GLI2: variants seen among roughly 807,000 people sequenced by gnomAD.
GLI2 encodes the protein transcription activator GLI2.
Under a neutral mutation model 78.9 loss-of-function variants are expected in GLI2, and 22 were observed. The observed-to-expected ratio is 0.28, with a 90% confidence interval of 0.20 to 0.40. The LOEUF (loss-of-function observed/expected upper bound fraction) is 0.40, where lower values mean the gene tolerates loss of function less well. GLI2 is among the 10% of genes least tolerant of loss of function. GLI2 has a pLI of 1.00. For synonymous variants in GLI2, 974 were observed against 963.7 expected (o/e 1.01, Z -0.20); for missense variants, 2,097 against 2,213.2 (o/e 0.95, Z 1.05).
Position 120,737,323 on chromosome 2 carries a change from A to C in GLI2, c.-31+1038A>C. 6.7e-6 allele frequency among the ~76,000 whole-genome samples: 1 copy of C among 150,358 alleles called. No individual in the cohort carries two copies. The highest frequency in any genetic ancestry group is 2.5e-5 in the African/African-American group (1 of 40,642). ...GGTAACTGCTGTCATTTCCTAGGAA[A>C]CCCGACTTTTACCGCGCGGGGAGCT... On this transcript the variant is annotated intron_variant, in intron 1 of 13. Coordinates refer to ENST00000361492, the MANE Select transcript of GLI2 (RefSeq NM_001374353.1). This position sits in a 1 kb window ranked among gnomAD's most constrained non-coding sequence, Gnocchi z 4.3.
intron 2 of GLI2, among the ~76,000 whole-genome samples, chr2:120,858,128 G>C (rs1475761512): frequency 6.6e-6 from 1 of 152,236 alleles, no homozygotes; most frequent in Admixed American, 6.5e-5. Flanking sequence ...GGGCGGGGGA[G>C]AATGACAGCT....
intron 5 of GLI2, among the ~76,000 whole-genome samples, chr2:120,967,455 G>T (rs1681913160): frequency 6.6e-6 from 1 of 152,210 alleles, no homozygotes; most frequent in Non-Finnish European, 1.5e-5. Flanking sequence ...GCCACCGTTT[G>T]TTCAGGGCAG....
intron 2 of GLI2, among the ~76,000 whole-genome samples, chr2:120,820,743 CT>C (rs1004442091): frequency 2.0e-4 from 30 of 152,172 alleles, no homozygotes; most frequent in Admixed American, 2.0e-3. Context: ...GAGAGGGTAG[CT>C]TTTTTTCTAG....
chr2:120,811,302 C>T (rs1685227729), intron 2 of GLI2, among the ~76,000 whole-genome samples: 2 of 152,238 alleles, frequency 1.3e-5, no homozygotes, highest in South Asian at 2.1e-4. Flanking sequence ...AGCAAGGAGT[C>T]CTCTGGTCAT....
chr2:120,903,930 G>A (rs1425705500), intron 2 of GLI2, among the ~76,000 whole-genome samples: 1 of 152,168 alleles, frequency 6.6e-6, no homozygotes, highest in Non-Finnish European at 1.5e-5. Context: ...AAACTCAGGG[G>A]TTCATTGCTG....
chr2:120,841,848 G>GGGGTGTGTGTGTGTGTGTGT (rs1553455507), intron 2 of GLI2, among the ~76,000 whole-genome samples: 15 of 132,690 alleles, frequency 1.1e-4, no homozygotes, highest in African/African-American at 2.0e-4. Context: ...CAGTCTGGAG[G>GGGGTGTGTGTGTGTGTGTGT]GTGTGTGTGT....
chr2:120,861,925 C>A (rs1052123641), intron 2 of GLI2, among the ~76,000 whole-genome samples: 20 of 152,178 alleles, frequency 1.3e-4, no homozygotes, highest in Non-Finnish European at 2.2e-4. Context: ...ATGAGATGAT[C>A]GCTTGTCATT....
In GLI2 at chr2:120,984,429, C is replaced by T. The variant is rs528633897; in HGVS notation, c.1633-42C>T. Reference sequence around the variant, plus strand: ...GGAGAGCGCCCCTTCAGAGTTGATCCTCGTACCCCTATCCATGACACAGGC... The same window carrying T: ...GGAGAGCGCCCCTTCAGAGTTGATCTTCGTACCCCTATCCATGACACAGGC... On this transcript the variant is annotated intron_variant, in intron 11 of 13. Coordinates refer to ENST00000361492, the MANE Select transcript of GLI2 (RefSeq NM_001374353.1). 2.1e-5 allele frequency: 34 copies of T among 1,608,510 alleles called. No individual in the cohort carries two copies. The South Asian group carries it at 3.4e-4, about 16-fold the overall frequency.
rs747859555 is a variant in GLI2, at chr2:120,984,617, C to G, written c.1779C>G (p.Leu593=). The change falls in exon 12 of 14, where the codon CTC becomes CTG. Residue 593 remains leucine, a synonymous_variant. Transcript: ENST00000361492. ...ACGTGCACCTCCGCACACCGCTGCT[C>G]AAAGAGAATGGGGACAGTGAGGCCG... ...RNDVHLRTPL[L]KENGDSEAGT... is the part of the protein sequence containing the mutation. 1.9e-6 allele frequency: 3 copies of G among 1,614,210 alleles called. No individual in the cohort carries two copies. In the South Asian group the frequency reaches 3.3e-5, roughly 18 times the overall value.
rs759692739 is a variant in GLI2, at chr2:120,988,435, C to A, written c.2470C>A (p.Leu824Met). The part of the protein sequence containing the change: ...SSRRSSEASP[L>M]GAGRPHNASS... ...CCGCCGCTCCAGCGAGGCCTCGCCC[C>A]TGGGCGCCGGCCGCCCGCACAACGC... The change falls in exon 14 of 14, where the codon CTG becomes ATG. Residue 824 changes from leucine (L) to methionine (M), a missense_variant. Around this residue, in one of 5 missense-constraint regions of GLI2, gnomAD observed 1,290 missense variants for 1,261.7 expected, o/e 1.02. Coordinates refer to ENST00000361492, the MANE Select transcript of GLI2 (RefSeq NM_001374353.1). 5 of 1,574,618 alleles carry A rather than the reference C, an allele frequency of 3.2e-6. No homozygotes were observed. In the Admixed American group the frequency reaches 8.6e-5, roughly 27 times the overall value.
At chr2:120,986,242 C>T (rs377599086) in intron 12 of GLI2, 36 bp from the exon 13 acceptor site, 5 of 1,582,382 alleles carry the variant, frequency 3.2e-6, no homozygotes, top group Admixed American at 1.7e-5. Context: ...ATCTGATACC[C>T]TCTGAGTCTG....
At chr2:120,863,064 C>T (rs1056391769) in intron 2 of GLI2, among the ~76,000 whole-genome samples, 17 of 152,294 alleles carry the variant, frequency 1.1e-4, no homozygotes, top group African/African-American at 3.8e-4. Context: ...GTGACCAGAG[C>T]GCCTGGAAGG....
intron 2 of GLI2, among the ~76,000 whole-genome samples, chr2:120,809,374 G>A (rs1357721426): frequency 1.3e-5 from 2 of 152,168 alleles, no homozygotes; most frequent in African/African-American, 4.8e-5. Context: ...GAGGGAATGG[G>A]GAATGATTGC....
chr2:120,933,019 G>A (rs142863424), intron 3 of GLI2, among the ~76,000 whole-genome samples: 63 of 152,320 alleles, frequency 4.1e-4, no homozygotes, highest in African/African-American at 1.4e-3. Flanking sequence ...AGCTACAGCA[G>A]TAGTTAGGGA....
chr2:120,926,377 C>A (rs1679676221), intron 2 of GLI2, among the ~76,000 whole-genome samples: 1 of 152,146 alleles, frequency 6.6e-6, no homozygotes, highest in African/African-American at 2.4e-5. Flanking sequence ...AAAAATTTGT[C>A]TGCATTTCTT....
chr2:120,825,483 TGTGA>T lies in GLI2; in HGVS notation c.148+28019_148+28022del, dbSNP rs200256731. Among the ~76,000 whole-genome samples the T allele has an allele frequency of 1.8e-3, 273 of 149,892 alleles. 1 individual carries two copies. Among genetic ancestry groups the T allele is most frequent in the African/African-American group, 6.3e-3 (250 of 39,704 alleles). The stretch of plus-strand genomic sequence containing the variant: ...TCCTGGCTGTGAGTGTGCATCTGGC[TGTGA>T]GTGTGACCTGGCTGTGGGTGTGCAC... On this transcript the variant is annotated intron_variant, in intron 2 of 13. Coordinates refer to ENST00000361492, the MANE Select transcript of GLI2 (RefSeq NM_001374353.1).
intron 2 of GLI2, among the ~76,000 whole-genome samples, chr2:120,852,769 G>A (rs1687471524): frequency 6.6e-6 from 1 of 152,172 alleles, no homozygotes; most frequent in Admixed American, 6.5e-5. Flanking sequence ...CACTGGTACT[G>A]AGCACCCCGT....
chr2:120,819,600 A>C (rs1197790537), intron 2 of GLI2, among the ~76,000 whole-genome samples: 1 of 152,144 alleles, frequency 6.6e-6, no homozygotes, highest in Admixed American at 6.5e-5. Context: ...CTCCTTTAGC[A>C]GCTGAAAGCC....
chr2:120,940,780 G>C (rs1001267823), intron 3 of GLI2, among the ~76,000 whole-genome samples: 13 of 152,222 alleles, frequency 8.5e-5, no homozygotes, highest in African/African-American at 2.9e-4. Context: ...GCACTCAGGG[G>C]GTCTGCTGAG....
Sources: allele counts gnomAD v4.1 joint callset (sites outside exome capture counted in the v4.1 genomes callset), GRCh38; gene constraint gnomAD v4.1.1; regional missense constraint gnomAD v4.1.1; non-coding constraint Gnocchi (gnomAD v3.1); transcripts MANE v1.5; gene names NCBI Gene and HGNC (gene_info 2026-07-23, HGNC 2026-07-21).